ABHD18: variants seen among roughly 807,000 people sequenced by gnomAD.
The protein encoded by ABHD18 is cardiolipin-specific deacylase, mitochondrial.
A neutral mutation model predicts 65.9 loss-of-function variants in ABHD18; 55 were observed. The observed-to-expected ratio is 0.84, with a 90% CI of 0.67 to 1.05. ABHD18 has a LOEUF of 1.05. Ranked by LOEUF, ABHD18 falls within the 50% of genes least tolerant of loss-of-function variation. ABHD18 has a pLI of 0.00. For synonymous variants in ABHD18, 181 were observed against 180.2 expected (o/e 1.00, Z -0.04); for missense variants, 533 against 558.5 (o/e 0.95, Z 0.46).
At chr4:128,033,632 T>C (rs1758520339) in intron 12 of ABHD18, among the ~76,000 whole-genome samples, 1 of 150,078 alleles carries the variant, frequency 6.7e-6, no homozygotes, top group African/African-American at 2.4e-5. Context: ...ACCTCCTGGG[T>C]TCACGGCATT....
chr4:127,966,540 G>T (rs757591592), intron 1 of ABHD18, among the ~76,000 whole-genome samples: 6 of 151,588 alleles, frequency 4.0e-5, no homozygotes, highest in Non-Finnish European at 5.9e-5. Flanking sequence ...TCAGCCAGGC[G>T]CAGTTCACTG....
chr4:128,026,120 C>G (rs1482112851), intron 10 of ABHD18, among the ~76,000 whole-genome samples: 1 of 152,104 alleles, frequency 6.6e-6, no homozygotes, highest in Non-Finnish European at 1.5e-5. Flanking sequence ...GAAACCCCGT[C>G]TCTACTTAAA....
chr4:127,983,116 A>G (rs984465471), intron 2 of ABHD18, 69 bp downstream of exon 2: 21 of 1,092,472 alleles, frequency 1.9e-5, no homozygotes, highest in African/African-American at 3.2e-5. Context: ...AAACTTTGTT[A>G]TAAAATCCTT....
chr4:128,017,370 A>G lies in ABHD18; in HGVS notation c.478A>G (p.Ser160Gly), dbSNP rs749921776. The G allele has an allele frequency of 1.2e-6, 2 of 1,613,242 alleles. No homozygotes were observed. The highest frequency in any genetic ancestry group is 2.2e-5 in the East Asian group (1 of 44,876). Reference sequence around the variant, plus strand: ...TTTGTTTTGTGAGGCTAGAAGGTCCAGCTTAAAAAATGTGTCCGACCTTTT... The same window carrying G: ...TTTGTTTTGTGAGGCTAGAAGGTCCGGCTTAAAAAATGTGTCCGACCTTTT... The part of the protein sequence containing the change: ...CRKPKDQVRS[S>G]LKNVSDLFVM... Residue 160 changes from serine to glycine, a missense_variant, in exon 8 of 13, where the codon AGC (serine) becomes GGC (glycine). By Grantham distance (56) the Ser-to-Gly change is moderately conservative. Transcript: ENST00000645843.
At chr4:127,991,720 G>A (rs1391950742) in intron 4 of ABHD18, among the ~76,000 whole-genome samples, 1 of 152,076 alleles carries the variant, frequency 6.6e-6, no homozygotes, top group African/African-American at 2.4e-5. Flanking sequence ...GATTTTGTCT[G>A]CAATAGCAAT....
chr4:127,972,043 C>T (rs1193542392), intron 1 of ABHD18, among the ~76,000 whole-genome samples: 2 of 152,004 alleles, frequency 1.3e-5, no homozygotes, highest in Non-Finnish European at 2.9e-5. Context: ...CTATAATTTG[C>T]TAGAATGACT....
chr4:127,999,145 T>G (rs969605185), intron 4 of ABHD18, among the ~76,000 whole-genome samples: 2 of 151,972 alleles, frequency 1.3e-5, no homozygotes, highest in Non-Finnish European at 2.9e-5. Flanking sequence ...TTAGCTGGGC[T>G]TGGTGGTGCA....
intron 10 of ABHD18, among the ~76,000 whole-genome samples, chr4:128,023,601 G>C (rs1249232005): frequency 6.6e-6 from 1 of 150,572 alleles, no homozygotes; most frequent in African/African-American, 2.4e-5. Context: ...AAAAAAAAAG[G>C]CTGGGCGCAA....
At position 128,032,064 on chromosome 4, in the gene ABHD18, G is replaced by A. The variant is rs191478907; in HGVS notation, c.1343+1392G>A. ...TTCACTCTTTTGTGTATCTAAGTGGGAGTATAGCTAAGACGTATTAGGAAG... is the reference window on the plus strand; with the variant it reads ...TTCACTCTTTTGTGTATCTAAGTGGAAGTATAGCTAAGACGTATTAGGAAG... On this transcript the variant is annotated intron_variant, in intron 12 of 12. Coordinates refer to ENST00000645843, the MANE Select transcript of ABHD18 (RefSeq NM_001358451.3). 5.6e-4 allele frequency among the ~76,000 whole-genome samples: 85 copies of A among 152,152 alleles called. 1 individual carries two copies. The highest frequency in any genetic ancestry group is 1.2e-3 in the Non-Finnish European group (80 of 68,034).
intron 4 of ABHD18, among the ~76,000 whole-genome samples, chr4:127,993,754 AT>A (rs1751302492): frequency 1.3e-5 from 2 of 152,218 alleles, no homozygotes; most frequent in South Asian, 4.1e-4. Flanking sequence ...CTCTACCATA[AT>A]TTACTAATTC....
At chr4:127,974,241 A>G (rs1579126765) in intron 1 of ABHD18, among the ~76,000 whole-genome samples, 1 of 119,734 alleles carries the variant, frequency 8.4e-6, no homozygotes, top group South Asian at 2.6e-4. Flanking sequence ...TCTGTCGCCC[A>G]CGCTGGAGAG....
At position 128,001,823 on chromosome 4, in the gene ABHD18, G is replaced by C. The variant is rs1004431658; in HGVS notation, c.279-7097G>C. 2.1e-6 allele frequency: 3 copies of C among 1,446,916 alleles called. No individual in the cohort carries two copies. The African/African-American group carries it at 4.6e-5, about 22-fold the overall frequency. The allele number at this position is 1,446,916 out of a possible 1,614,324, so 89.6% of individuals were successfully genotyped here. A position where few individuals can be genotyped will look rare whatever the true frequency, so the allele number is the denominator to read the frequency against. ...GTCTTTTGTATATCCTTAGTGGTTAGATGTTGAGTTTTGTTTTGTTTTGTT... is the reference window on the plus strand; with the variant it reads ...GTCTTTTGTATATCCTTAGTGGTTACATGTTGAGTTTTGTTTTGTTTTGTT... On this transcript the variant is annotated intron_variant, in intron 4 of 12. Transcript: ENST00000645843.
chr4:128,029,535 G>A (rs978087731), intron 11 of ABHD18, among the ~76,000 whole-genome samples: 1 of 151,906 alleles, frequency 6.6e-6, no homozygotes, highest in African/African-American at 2.4e-5. Flanking sequence ...GTAAAAATTA[G>A]CTGGGTGGCC....
intron 4 of ABHD18, among the ~76,000 whole-genome samples, chr4:127,998,703 A>G (rs1433940154): frequency 6.7e-6 from 1 of 149,824 alleles, no homozygotes; most frequent in Non-Finnish European, 1.5e-5. Context: ...GTTTTTCTCC[A>G]CTCCCCTCTC....
At chr4:128,023,403 C>G (rs1000449482) in intron 10 of ABHD18, among the ~76,000 whole-genome samples, 1 of 44,950 alleles carries the variant, frequency 2.2e-5, no homozygotes, top group African/African-American at 9.3e-5. Flanking sequence ...CTTGTCTCTA[C>G]AAAAAAAAAA....
intron 1 of ABHD18, among the ~76,000 whole-genome samples, chr4:127,967,732 C>G (rs992179164): frequency 3.3e-5 from 5 of 150,844 alleles, no homozygotes; most frequent in African/African-American, 1.2e-4. Flanking sequence ...GAAAATGTCT[C>G]TTAGGAACAC....
At chr4:127,976,406 T>C (rs1232798555) in intron 1 of ABHD18, among the ~76,000 whole-genome samples, 1 of 152,200 alleles carries the variant, frequency 6.6e-6, no homozygotes, top group Non-Finnish European at 1.5e-5. Flanking sequence ...CAAAAAATTA[T>C]ACTCAGTTAT....
Position 128,037,270 on chromosome 4 carries a change from TAGG to T in ABHD18, c.*1460_*1462del, listed in dbSNP as rs977215820. ...GAGATCGCACCACTGCACTCCAGCC[TAGG>T]AGAAGGAGCAAGACTCTGTCTCAAA... On this transcript the variant is annotated 3_prime_UTR_variant, in exon 13 of 13. Coordinates refer to ENST00000645843, the MANE Select transcript of ABHD18 (RefSeq NM_001358451.3). 1.3e-5 allele frequency: 2 copies of T among 151,954 alleles called. No homozygotes were observed. The highest frequency in any genetic ancestry group is 4.8e-5 in the African/African-American group (2 of 41,354). The allele number at this position is 151,954 out of a possible 1,614,324, so 9.4% of individuals were successfully genotyped here.
At position 128,035,722 on chromosome 4, in the gene ABHD18, T is replaced by G. The variant is rs559122558; in HGVS notation, c.1344-40T>G. On this transcript the variant is annotated intron_variant, in intron 12 of 12. Transcript: ENST00000645843. Reference sequence around the variant, plus strand: ...AAAGGCATTGTTTGTCCCCCCTTTTTGTTAGTTACTTAGAGTTTTTCTTTC... The same window carrying G: ...AAAGGCATTGTTTGTCCCCCCTTTTGGTTAGTTACTTAGAGTTTTTCTTTC... 1.9e-3 allele frequency: 2,363 copies of G among 1,248,038 alleles called. 5 individuals are homozygous for G. Among genetic ancestry groups the G allele is most frequent in the South Asian group, 3.3e-3 (236 of 72,190 alleles). The allele number at this position is 1,248,038 out of a possible 1,614,324, so 77.3% of individuals were successfully genotyped here. A position where few individuals can be genotyped will look rare whatever the true frequency, so the allele number is the denominator to read the frequency against.
Sources: allele counts gnomAD v4.1 joint callset (sites outside exome capture counted in the v4.1 genomes callset), GRCh38; gene constraint gnomAD v4.1.1; transcripts MANE v1.5; gene names NCBI Gene and HGNC (gene_info 2026-07-23, HGNC 2026-07-21).